The following NME7 variants were observed in gnomAD, a reference collection of about 807,000 sequenced individuals.
The protein encoded by NME7 is nucleoside diphosphate kinase 7.
In NME7, 41 loss-of-function variants were observed where a neutral mutation model predicts 49.1. The ratio of observed to expected loss-of-function variants is 0.83; its 90% CI spans 0.65 to 1.08. The LOEUF (loss-of-function observed/expected upper bound fraction) is 1.08. Among genes scored for constraint, NME7 ranks in the 50% least tolerant of loss-of-function variants. The probability of loss-of-function intolerance (pLI) is 0.00; values close to 1 mark genes in which losing one functional copy is unlikely to be tolerated. For missense variants in NME7, 423 were observed against 463.4 expected (o/e 0.91, Z 0.80); for synonymous variants, 139 against 150.6 (o/e 0.92, Z 0.56).
In NME7 at chr1:169,150,763, G is replaced by GAAAAAAAAAAAAA. The variant is rs10689301; in HGVS notation, c.1099-17959_1099-17947dup. Among the ~76,000 whole-genome samples, 9 of 124,328 alleles carry GAAAAAAAAAAAAA rather than the reference G, an allele frequency of 7.2e-5. 1 individual carries two copies. The East Asian group carries it at 7.3e-4, about 10-fold the overall frequency. 81.6% of individuals were successfully genotyped at this position (124,328 alleles called of 152,430 possible). On this transcript the variant is annotated intron_variant, in intron 11 of 11. Coordinates refer to ENST00000367811, the MANE Select transcript of NME7 (RefSeq NM_013330.5). ...ATGATGAGAAGAGAGGCTGGAAAAG[G>GAAAAAAAAAAAAA]AAAAAAAAAAAAAAAAGAGGAGCAA...
At chr1:169,206,517 C>T (rs1371476732) in intron 10 of NME7, among the ~76,000 whole-genome samples, 1 of 152,008 alleles carries the variant, frequency 6.6e-6, no homozygotes, top group Non-Finnish European at 1.5e-5. Context: ...CTTATTTGAC[C>T]TTTGTGTATC....
At chr1:169,309,763 A>T (rs1244019225) in intron 4 of NME7, among the ~76,000 whole-genome samples, 1 of 152,122 alleles carries the variant, frequency 6.6e-6, no homozygotes, top group African/African-American at 2.4e-5. Flanking sequence ...GACACTGAAT[A>T]GGAAAAGATC....
rs775667680 is a variant in NME7, at chr1:169,268,524, T to C, written c.754+18779A>G. Among the ~76,000 whole-genome samples, 4 of 133,174 alleles carry C rather than the reference T, an allele frequency of 3.0e-5. 2 individuals carry two copies. The highest frequency in any genetic ancestry group is 7.1e-5 in the Non-Finnish European group (4 of 56,654). The allele number at this position is 133,174 out of a possible 152,430, so 87.4% of individuals were successfully genotyped here. On this transcript the variant is annotated intron_variant, in intron 7 of 11. Transcript: ENST00000367811. ...AGCACTATTCACAATAGTAAAGACA[T>C]AAAAGTAACCTAAATGCCCATCACT...
intron 5 of NME7, among the ~76,000 whole-genome samples, chr1:169,300,711 AT>A (rs1407055826): frequency 2.0e-5 from 3 of 152,212 alleles, no homozygotes; most frequent in African/African-American, 7.2e-5. Context: ...TAACCAAAAC[AT>A]CATGGTACTG....
chr1:169,207,949 C>T (rs1217319379), intron 10 of NME7, among the ~76,000 whole-genome samples: 1 of 152,084 alleles, frequency 6.6e-6, no homozygotes, highest in African/African-American at 2.4e-5. Context: ...TCCCTGAAAG[C>T]AGCTTAGCAA....
intron 10 of NME7, among the ~76,000 whole-genome samples, chr1:169,205,279 C>A (rs1041232164): frequency 2.0e-5 from 3 of 152,088 alleles, no homozygotes; most frequent in Non-Finnish European, 4.4e-5. Flanking sequence ...ACCATCATCA[C>A]ATATATGTAT....
chr1:169,366,673 T>C (rs1653870924), intron 1 of NME7, among the ~76,000 whole-genome samples: 1 of 152,072 alleles, frequency 6.6e-6, no homozygotes. Flanking sequence ...TCGGCAAAAA[T>C]ATAGAGCAAT....
At chr1:169,231,163 GT>G (rs1194490777) in intron 9 of NME7, among the ~76,000 whole-genome samples, 2 of 151,916 alleles carry the variant, frequency 1.3e-5, no homozygotes, top group Non-Finnish European at 2.9e-5. Context: ...AATTTCAAAG[GT>G]TTTATCCTAA....
chr1:169,154,444 A>T (rs916441178), intron 11 of NME7, among the ~76,000 whole-genome samples: 2 of 152,158 alleles, frequency 1.3e-5, no homozygotes, highest in Non-Finnish European at 2.9e-5. Flanking sequence ...GATAAAATTA[A>T]TTTTTAATTC....
At chr1:169,265,087 C>T (rs1425685250) in intron 7 of NME7, among the ~76,000 whole-genome samples, 2 of 132,804 alleles carry the variant, frequency 1.5e-5, no homozygotes, top group Non-Finnish European at 3.5e-5. Context: ...GTGGGGGTAA[C>T]TGCTACCAAG....
At chr1:169,228,166 C>T (rs1647424976) in intron 10 of NME7, among the ~76,000 whole-genome samples, 1 of 152,074 alleles carries the variant, frequency 6.6e-6, no homozygotes, top group Admixed American at 6.5e-5. Context: ...GCCTTATCCT[C>T]CCAAAATGCT....
chr1:169,301,921 G>A (rs184700780), intron 5 of NME7: 1 of 152,108 alleles, frequency 6.6e-6, no homozygotes, highest in Non-Finnish European at 1.5e-5. Flanking sequence ...ACTACTAGAG[G>A]AGAGAAGGCA....
intron 1 of NME7, among the ~76,000 whole-genome samples, chr1:169,331,664 T>C (rs1020156920): frequency 1.1e-4 from 16 of 152,256 alleles, no homozygotes; most frequent in African/African-American, 3.4e-4. Flanking sequence ...TATTTCTATA[T>C]GCCAACAGTG....
At chr1:169,147,656 T>C (rs1427566945) in intron 11 of NME7, among the ~76,000 whole-genome samples, 1 of 152,220 alleles carries the variant, frequency 6.6e-6, no homozygotes, top group Non-Finnish European at 1.5e-5. Flanking sequence ...GCAAATAAAT[T>C]TAATAGCAGA....
intron 1 of NME7, among the ~76,000 whole-genome samples, chr1:169,347,744 T>G (rs1417046826): frequency 6.6e-6 from 1 of 152,190 alleles, no homozygotes; most frequent in Non-Finnish European, 1.5e-5. Context: ...AAGTTGTGCC[T>G]TCCTGAGAAC....
At chr1:169,192,490 T>C (rs1416184552) in intron 10 of NME7, among the ~76,000 whole-genome samples, 3 of 152,192 alleles carry the variant, frequency 2.0e-5, no homozygotes, top group Admixed American at 2.0e-4. Context: ...GCATAGATCA[T>C]ATGCAATTAC....
In NME7 at chr1:169,323,265, G is replaced by T; in HGVS notation, c.130C>A (p.Arg44Ser). The T allele has an allele frequency of 6.3e-7, 1 of 1,597,002 alleles. No homozygotes were observed. The highest frequency in any genetic ancestry group is 8.5e-7 in the Non-Finnish European group (1 of 1,173,020). The change falls in exon 3 of 12, where the codon CGC becomes AGC. Residue 44 changes from arginine to serine, a missense_variant. Transcript: ENST00000367811. ...SVEMHDVKNH[R>S]TFLKRTKYDN... ...TATTTGGTCCGCTTTAAAAAGGTGC[G>T]ATGATTCTTTACATCATGCTAGAAC...
At chr1:169,209,313 T>G (rs1368040074) in intron 10 of NME7, among the ~76,000 whole-genome samples, 1 of 152,096 alleles carries the variant, frequency 6.6e-6, no homozygotes, top group East Asian at 1.9e-4. Context: ...GTAAAAGCTA[T>G]TTATATGTAC....
At chr1:169,151,591 C>T (rs1468221274) in intron 11 of NME7, among the ~76,000 whole-genome samples, 1 of 152,150 alleles carries the variant, frequency 6.6e-6, no homozygotes, top group Non-Finnish European at 1.5e-5. Flanking sequence ...CCAGGCTGTC[C>T]AGCCCCCTGA....
Sources: allele counts gnomAD v4.1 joint callset (sites outside exome capture counted in the v4.1 genomes callset), GRCh38; gene constraint gnomAD v4.1.1; transcripts MANE v1.5; gene names NCBI Gene and HGNC (gene_info 2026-07-23, HGNC 2026-07-21).